Variants in FNDC3A observed in about 807,000 individuals in gnomAD.
FNDC3A encodes the protein fibronectin type-III domain-containing protein 3A.
Under a neutral mutation model 148.9 loss-of-function variants are expected in FNDC3A, and 32 were observed. That is an observed-to-expected ratio of 0.21 (90% confidence interval 0.16 to 0.29). The LOEUF is 0.29. Among genes scored for constraint, FNDC3A ranks in the 10% least tolerant of loss-of-function variants. The pLI is 1.00. For synonymous variants in FNDC3A, 472 were observed against 473.6 expected (o/e 1.00, Z 0.04); for missense variants, 1,191 against 1,452.8 (o/e 0.82, Z 2.93).
At chr13:49,201,772 G>T (rs976000600) in intron 23 of FNDC3A, 28 bp from the exon 24 acceptor site, 10 of 1,214,904 alleles carry the variant, frequency 8.2e-6, no homozygotes, top group Non-Finnish European at 1.1e-5. Context: ...GTAGTATAAG[G>T]TTTATCTAAT....
At chr13:49,074,230 C>T (rs1245951243) in intron 2 of FNDC3A, among the ~76,000 whole-genome samples, 1 of 152,110 alleles carries the variant, frequency 6.6e-6, no homozygotes, top group Non-Finnish European at 1.5e-5. Context: ...TTATCCCTCA[C>T]ACTCCCCTCT....
intron 8 of FNDC3A, among the ~76,000 whole-genome samples, chr13:49,157,833 GGGGGTCA>G (rs1230849664): frequency 7.4e-6 from 1 of 134,510 alleles, no homozygotes; most frequent in Non-Finnish European, 1.6e-5. Context: ...TAGGCTGCTC[GGGGGTCA>G]GGGGTCAGGG....
At chr13:49,042,864 T>C (rs1324355147) in intron 2 of FNDC3A, among the ~76,000 whole-genome samples, 1 of 152,246 alleles carries the variant, frequency 6.6e-6, no homozygotes, top group Non-Finnish European at 1.5e-5. Context: ...TACTGTAGAA[T>C]GTTTTGGTTA....
intron 2 of FNDC3A, among the ~76,000 whole-genome samples, chr13:49,055,584 T>A (rs9634822): frequency 6.6e-6 from 1 of 152,270 alleles, no homozygotes; most frequent in East Asian, 1.9e-4. Flanking sequence ...TAAAATTTGG[T>A]CTCCACAACC....
chr13:48,997,394 G>A (rs1020200167), intron 1 of FNDC3A, among the ~76,000 whole-genome samples: 11 of 152,164 alleles, frequency 7.2e-5, no homozygotes, highest in Non-Finnish European at 1.5e-4. Context: ...TTGTGTCAGC[G>A]GCTGAGTGAG....
Position 48,985,685 on chromosome 13 carries a change from G to GT in FNDC3A, c.-40+9509dup, listed in dbSNP as rs1334649646. ...AAAAAATACAATACACAAAAGCAGT[G>GT]TATGTGATTTCACTTACATAACAAC... On this transcript the variant is annotated intron_variant, in intron 1 of 25. Coordinates refer to ENST00000492622, the MANE Select transcript of FNDC3A (RefSeq NM_001079673.2). Among the ~76,000 whole-genome samples the GT allele has an allele frequency of 6.6e-5, 10 of 152,300 alleles. No individual in the cohort carries two copies. The East Asian group carries it at 1.9e-3, about 29-fold the overall frequency.
At position 49,092,493 on chromosome 13, in the gene FNDC3A, T is replaced by G. The variant is rs369969683; in HGVS notation, c.175+17129T>G. Among the ~76,000 whole-genome samples the G allele has an allele frequency of 6.2e-4, 94 of 152,314 alleles. 11 individuals carry two copies. The highest frequency in any genetic ancestry group is 3.1e-3 in the Admixed American group (48 of 15,288). On this transcript the variant is annotated intron_variant, in intron 3 of 25. Transcript: ENST00000492622. Reference sequence around the variant, plus strand: ...TGCCCATCCAGATTAAGGTTAGGTCTGCCTTTCCCAGCCCACTAACTCAAA... The same window carrying G: ...TGCCCATCCAGATTAAGGTTAGGTCGGCCTTTCCCAGCCCACTAACTCAAA...
chr13:49,065,264 A>T (rs1877188126), intron 2 of FNDC3A, among the ~76,000 whole-genome samples: 1 of 152,076 alleles, frequency 6.6e-6, no homozygotes, highest in African/African-American at 2.4e-5. Context: ...GACCTTTTTT[A>T]CATGGTAGCT....
chr13:49,044,006 CTT>C (rs1290002078), intron 2 of FNDC3A: 3 of 152,394 alleles, frequency 2.0e-5, no homozygotes, highest in South Asian at 2.1e-4. Flanking sequence ...CATATTAACT[CTT>C]TTCAAAAACC....
chr13:49,028,953 A>T lies in FNDC3A; in HGVS notation c.99+22664A>T, dbSNP rs528451681. Among the ~76,000 whole-genome samples, 9 of 152,342 alleles carry T rather than the reference A, an allele frequency of 5.9e-5. No individual in the cohort carries two copies. The East Asian group carries it at 1.7e-3, about 29-fold the overall frequency. ...TCCATTATAGGGTATATACTAGGTC[A>T]TAAAACTAGCAAGCTTCAATAGTAA... On this transcript the variant is annotated intron_variant, in intron 2 of 25. Coordinates refer to ENST00000492622, the MANE Select transcript of FNDC3A (RefSeq NM_001079673.2).
intron 1 of FNDC3A, among the ~76,000 whole-genome samples, chr13:48,999,776 A>C (rs1259418530): frequency 6.6e-6 from 1 of 152,172 alleles, no homozygotes; most frequent in Non-Finnish European, 1.5e-5. Context: ...TAGTGTTCAT[A>C]TATAAGAAGA....
chr13:48,981,219 A>G (rs539390378), intron 1 of FNDC3A, among the ~76,000 whole-genome samples: 83 of 152,242 alleles, frequency 5.5e-4, no homozygotes, highest in Non-Finnish European at 8.7e-4. Flanking sequence ...CATTTGCTAA[A>G]CAAGAGGTAA....
chr13:49,118,168 G>C (rs528106560), intron 4 of FNDC3A, among the ~76,000 whole-genome samples: 1 of 152,132 alleles, frequency 6.6e-6, no homozygotes, highest in South Asian at 2.1e-4. Flanking sequence ...CAGTATGTAA[G>C]ACTTGATTCT....
chr13:49,124,767 A>G lies in FNDC3A; in HGVS notation c.253-6370A>G, dbSNP rs1048871069. Among the ~76,000 whole-genome samples, 6 of 152,342 alleles carry G rather than the reference A, an allele frequency of 3.9e-5. No homozygotes were observed. The East Asian group carries it at 5.8e-4, about 15-fold the overall frequency. On this transcript the variant is annotated intron_variant, in intron 4 of 25. Transcript: ENST00000492622. ...GAGGAAATGAACAAAACATAGAACT[A>G]TAAAACTTAAATACAAAGCAAGTGA...
chr13:49,023,221 A>G (rs1873459053), intron 2 of FNDC3A, among the ~76,000 whole-genome samples: 1 of 151,980 alleles, frequency 6.6e-6, no homozygotes, highest in Non-Finnish European at 1.5e-5. Context: ...GGCACAAAAT[A>G]ATAAAATTGT....
intron 5 of FNDC3A, among the ~76,000 whole-genome samples, chr13:49,135,666 A>G (rs970591321): frequency 1.3e-5 from 2 of 152,160 alleles, no homozygotes; most frequent in Non-Finnish European, 2.9e-5. Flanking sequence ...TTCTCATCAC[A>G]AATTTTAAAT....
At chr13:49,055,195 C>G (rs1044922518) in intron 2 of FNDC3A, among the ~76,000 whole-genome samples, 1 of 151,964 alleles carries the variant, frequency 6.6e-6, no homozygotes. Context: ...CCTTGGCCTC[C>G]TGGGCTCAAG....
intron 2 of FNDC3A, among the ~76,000 whole-genome samples, chr13:49,070,840 G>A (rs188900525): frequency 6.7e-6 from 1 of 149,078 alleles, no homozygotes; most frequent in African/African-American, 2.5e-5. Context: ...TGAACATAAC[G>A]ACCTCAATTT....
intron 8 of FNDC3A, among the ~76,000 whole-genome samples, chr13:49,147,441 G>T (rs896607735): frequency 1.3e-5 from 2 of 151,926 alleles, no homozygotes; most frequent in African/African-American, 4.8e-5. Context: ...GTAGCTGGGA[G>T]GTAAGGGGTG....
Sources: gnomAD v4.1 joint callset for allele counts (sites outside exome capture counted in the v4.1 genomes callset) on GRCh38, gnomAD v4.1.1 for gene constraint, MANE v1.5 for transcripts, NCBI Gene and HGNC (gene_info 2026-07-23, HGNC 2026-07-21) for gene names.